RUNX1: variants seen among roughly 807,000 people sequenced by gnomAD.
RUNX1 encodes RUNX family transcription factor 1, also known as runt-related transcription factor 1.
Under a neutral mutation model 42.8 loss-of-function variants are expected in RUNX1, and 19 were observed. The ratio of observed to expected loss-of-function variants is 0.44; its 90% confidence interval spans 0.31 to 0.65. RUNX1 has a LOEUF of 0.65. Among genes scored for constraint, RUNX1 ranks in the 30% least tolerant of loss-of-function variants. The pLI is 0.07. For synonymous variants in RUNX1, 271 were observed against 289.4 expected, an observed-to-expected ratio of 0.94 and a Z score of 0.64; for missense variants, 528 against 672.0, an observed-to-expected ratio of 0.79 and a Z score of 2.37.
intron 7 of RUNX1, chr21:34,821,399 G>T: frequency 7.8e-7 from 1 of 1,281,750 alleles, no homozygotes; most frequent in Non-Finnish European, 9.9e-7. Context: ...TACACACAAT[G>T]CTTCCCATGT....
chr21:35,043,676 A>G (rs1008121059), intron 2 of RUNX1, among the ~76,000 whole-genome samples: 7 of 152,146 alleles, frequency 4.6e-5, no homozygotes, highest in African/African-American at 1.7e-4. Context: ...ATTTTGCAGA[A>G]CTCAAATGAG....
rs150292391 is a variant in RUNX1 at position 34,978,278 on chromosome 21, A to C, written c.58+70564T>G. 3.3e-5 allele frequency among the ~76,000 whole-genome samples: 5 copies of C among 152,332 alleles called. No individual in the cohort carries two copies. In the East Asian group the frequency reaches 9.6e-4, roughly 29 times the overall value. On this transcript the variant is annotated intron_variant, in intron 2 of 8. Coordinates refer to ENST00000675419, the MANE Select transcript of RUNX1 (RefSeq NM_001754.5). ...TTGACCAATGAGAAATCTGTAAAAAATTCTGCCATGATGACTTACTTTCTA... is the reference window on the plus strand; with the variant it reads ...TTGACCAATGAGAAATCTGTAAAAACTTCTGCCATGATGACTTACTTTCTA...
At chr21:34,902,796 G>A (rs1348587606) in intron 2 of RUNX1, among the ~76,000 whole-genome samples, 1 of 152,182 alleles carries the variant, frequency 6.6e-6, no homozygotes, top group Non-Finnish European at 1.5e-5. Context: ...AAGAGGCTTG[G>A]ACAAGGTGGG....
intron 8 of RUNX1, among the ~76,000 whole-genome samples, chr21:34,793,592 G>A (rs1435180865): frequency 2.0e-5 from 3 of 151,994 alleles, no homozygotes; most frequent in Non-Finnish European, 2.9e-5. Flanking sequence ...TCCATACTTC[G>A]GAACACATCC....
intron 2 of RUNX1, among the ~76,000 whole-genome samples, chr21:34,982,969 C>T (rs1023655692): frequency 1.7e-4 from 26 of 152,250 alleles, no homozygotes; most frequent in African/African-American, 6.3e-4. Flanking sequence ...CCTAGTTGGT[C>T]TGTTGCCAAA....
intron 2 of RUNX1, among the ~76,000 whole-genome samples, chr21:35,003,765 A>G (rs1450834227): frequency 1.3e-5 from 2 of 152,198 alleles, no homozygotes; most frequent in African/African-American, 4.8e-5. Flanking sequence ...TCTCTCTGAG[A>G]GGAGAAACTG....
chr21:34,851,599 T>C (rs559322308), intron 6 of RUNX1, among the ~76,000 whole-genome samples: 105 of 152,268 alleles, frequency 6.9e-4, no homozygotes, highest in African/African-American at 2.5e-3. Context: ...GTTTTTTTTT[T>C]CTTATGGCAT....
chr21:34,788,377 A>G lies in RUNX1; in HGVS notation c.*3758T>C, dbSNP rs895159334. 1 of 233,216 alleles carries G rather than the reference A, an allele frequency of 4.3e-6. No individual in the cohort carries two copies. Among genetic ancestry groups the G allele is most frequent in the African/African-American group, 2.2e-5 (1 of 45,314 alleles). 14.4% of individuals were successfully genotyped at this position (233,216 alleles called of 1,614,324 possible). A position where few individuals can be genotyped will look rare whatever the true frequency, so the allele number is the denominator to read the frequency against. ...GTTCTTTTTCTTTTTTTGCACATTC[A>G]TTTCCCCTAGAACAAAAAAAGTGAA... On this transcript the variant is annotated 3_prime_UTR_variant, in exon 9 of 9. Transcript: ENST00000675419.
chr21:34,985,218 T>C (rs2058876321), intron 2 of RUNX1, among the ~76,000 whole-genome samples: 1 of 152,226 alleles, frequency 6.6e-6, no homozygotes, highest in Admixed American at 6.5e-5. Context: ...GGGTCCTTCA[T>C]TTCCCTATGG....
chr21:34,961,365 A>ATAG (rs1269677418), intron 2 of RUNX1, among the ~76,000 whole-genome samples: 1 of 151,794 alleles, frequency 6.6e-6, no homozygotes, highest in African/African-American at 2.4e-5. Flanking sequence ...CAAAATAATA[A>ATAG]TAATAATAAT....
At chr21:35,022,256 G>C (rs987120173) in intron 2 of RUNX1, among the ~76,000 whole-genome samples, 1 of 152,190 alleles carries the variant, frequency 6.6e-6, no homozygotes, top group Non-Finnish European at 1.5e-5. Flanking sequence ...TCTGCACCAG[G>C]TGTGTGCAGG....
At chr21:34,948,296 G>A (rs1297878271) in intron 2 of RUNX1, among the ~76,000 whole-genome samples, 3 of 152,014 alleles carry the variant, frequency 2.0e-5, no homozygotes, top group African/African-American at 4.8e-5. Flanking sequence ...CTGACCTCAC[G>A]GGGCCATGCC....
intron 5 of RUNX1, among the ~76,000 whole-genome samples, chr21:34,861,623 C>T (rs1309887888): frequency 6.6e-6 from 1 of 151,670 alleles, no homozygotes; most frequent in Admixed American, 6.6e-5. Context: ...CTCCGCATAC[C>T]TGACTCCCAG....
chr21:34,813,584 A>G (rs1174527507), intron 7 of RUNX1, among the ~76,000 whole-genome samples: 1 of 151,980 alleles, frequency 6.6e-6, no homozygotes, highest in Non-Finnish European at 1.5e-5. Flanking sequence ...ATGGCCTGGC[A>G]CCCAGACTTA....
At chr21:34,974,457 G>A (rs1158096198) in intron 2 of RUNX1, among the ~76,000 whole-genome samples, 12 of 151,944 alleles carry the variant, frequency 7.9e-5, no homozygotes, top group Admixed American at 7.9e-4. Context: ...AAGCTTTGTG[G>A]TTCAGCCAAG....
intron 7 of RUNX1, among the ~76,000 whole-genome samples, chr21:34,801,122 ATACT>A (rs947018677): frequency 1.3e-5 from 2 of 152,026 alleles, no homozygotes; most frequent in African/African-American, 4.8e-5. Flanking sequence ...AAAAAATCAT[ATACT>A]TAGATATTTT....
At chr21:34,976,620 A>C (rs985516471) in intron 2 of RUNX1, among the ~76,000 whole-genome samples, 2 of 152,210 alleles carry the variant, frequency 1.3e-5, no homozygotes, top group African/African-American at 4.8e-5. Context: ...TGCGTCACAG[A>C]AGGGAGGACG....
In RUNX1 at chr21:34,801,108, G is replaced by GA. The variant is rs200570605; in HGVS notation, c.806-1647dup. On this transcript the variant is annotated intron_variant, in intron 7 of 8. Transcript: ENST00000675419. Reference sequence around the variant, plus strand: ...CTACTGCAAGTATTTTGCTCCAAGTGAAAAAAAAATCATATACTTAGATAT... The same window carrying GA: ...CTACTGCAAGTATTTTGCTCCAAGTGAAAAAAAAAATCATATACTTAGATAT... 1.2e-3 allele frequency among the ~76,000 whole-genome samples: 186 copies of GA among 149,700 alleles called. 2 individuals carry two copies. Among genetic ancestry groups the GA allele is most frequent in the Non-Finnish European group, 4.9e-4 (33 of 67,314 alleles).
chr21:34,849,819 A>G (rs2057391932), intron 6 of RUNX1, among the ~76,000 whole-genome samples: 1 of 151,696 alleles, frequency 6.6e-6, no homozygotes, highest in Non-Finnish European at 1.5e-5. Context: ...ATATGCGATG[A>G]ACAGGAGAAC....
Sources: gnomAD v4.1 joint callset for allele counts (sites outside exome capture counted in the v4.1 genomes callset) on GRCh38, gnomAD v4.1.1 for gene constraint, MANE v1.5 for transcripts, NCBI Gene and HGNC (gene_info 2026-07-23, HGNC 2026-07-21) for gene names.